Variants in ABCA8 observed in about 807,000 individuals in gnomAD.
The protein encoded by ABCA8 is ATP binding cassette subfamily A member 8, also known as ABC-type organic anion transporter ABCA8.
A neutral mutation model predicts 192.3 loss-of-function variants in ABCA8; 177 were observed. The ratio of observed to expected loss-of-function variants is 0.92; its 90% CI spans 0.81 to 1.04. ABCA8 has a LOEUF of 1.04. Ranked by LOEUF, ABCA8 falls within the 50% of genes least tolerant of loss-of-function variation. The pLI is 0.00. For synonymous variants in ABCA8, 642 were observed against 690.2 expected, an observed-to-expected ratio of 0.93 and a Z score of 1.09; for missense variants, 1,915 against 1,904.8, an observed-to-expected ratio of 1.01 and a Z score of -0.10.
intron 33 of ABCA8, 55 bp from the exon 34 acceptor site, chr17:68,876,758 G>A: frequency 6.2e-7 from 1 of 1,607,968 alleles, no homozygotes; most frequent in Non-Finnish European, 8.5e-7. Context: ...ATAGATAAGA[G>A]GATAACCCAA....
chr17:68,900,193 G>A (rs1411360632), intron 21 of ABCA8, among the ~76,000 whole-genome samples: 1 of 151,802 alleles, frequency 6.6e-6, no homozygotes, highest in African/African-American at 2.4e-5. Context: ...ACAAAATTGA[G>A]GAACCCTTAG....
At chr17:68,900,333 AAT>A (rs2066873771) in intron 21 of ABCA8, among the ~76,000 whole-genome samples, 1 of 152,080 alleles carries the variant, frequency 6.6e-6, no homozygotes, top group South Asian at 2.1e-4. Context: ...CAAATTAGAT[AAT>A]ATAGTATAAT....
chr17:68,947,037 A>T (rs1352583225), intron 2 of ABCA8, among the ~76,000 whole-genome samples: 2 of 152,220 alleles, frequency 1.3e-5, no homozygotes, highest in African/African-American at 4.8e-5. Context: ...TGTTAGATTT[A>T]TTCTACAGTT....
chr17:68,894,734 G>A lies in ABCA8; in HGVS notation c.2898+146C>T, dbSNP rs965507062. 1.1e-5 allele frequency: 10 copies of A among 878,996 alleles called. No homozygotes were observed. In the East Asian group the frequency reaches 2.1e-4, roughly 19 times the overall value. 54.4% of individuals were successfully genotyped at this position (878,996 alleles called of 1,614,324 possible). On this transcript the variant is annotated intron_variant, in intron 22 of 39. Coordinates refer to ENST00000586539, the MANE Select transcript of ABCA8 (RefSeq NM_001288985.2). ...GTAGACAATGATGGATATATGAATT[G>A]TTTATGCCAGTGAATACAATTCACT...
intron 18 of ABCA8, among the ~76,000 whole-genome samples, 177 bp from the exon 19 acceptor site, chr17:68,906,340 T>A (rs1473448997): frequency 6.6e-6 from 1 of 152,064 alleles, no homozygotes; most frequent in Non-Finnish European, 1.5e-5. Context: ...TATTATTTTC[T>A]ATTTTACATC....
chr17:68,935,540 C>CTA (rs6146128), intron 5 of ABCA8, among the ~76,000 whole-genome samples: 10,799 of 87,142 alleles, frequency 0.12, 704 homozygotes, highest in South Asian at 0.14. Flanking sequence ...AGTAGTATTC[C>CTA]TATATATATA....
Position 68,883,882 on chromosome 17 carries a change from G to A in ABCA8, c.3616C>T (p.Pro1206Ser). Residue 1206 changes from proline to serine, a missense_variant and splice_region_variant, in exon 29 of 40, where the codon CCT becomes TCT. By Grantham distance (74) the Pro-to-Ser change is moderately conservative. Transcript: ENST00000586539. ...DVQPFLVFLIPFLHFIIFLFT... is the reference protein window; with the variant it reads ...DVQPFLVFLISFLHFIIFLFT... ...AGAAAAATGATAAAATGAAGGAAAG[G>A]CTAGGAATAAAGAGAGATGCACAAT... 6.4e-7 allele frequency: 1 copy of A among 1,556,128 alleles called. No homozygotes were observed. The highest frequency in any genetic ancestry group is 8.8e-7 in the Non-Finnish European group (1 of 1,139,230).
rs1047763626 is a variant in ABCA8, at chr17:68,942,089, A to G, written c.-5-50T>C. 5 of 1,385,544 alleles carry G rather than the reference A, an allele frequency of 3.6e-6. No individual in the cohort carries two copies. In the Admixed American group the frequency reaches 7.7e-5, roughly 21 times the overall value. The allele number at this position is 1,385,544 out of a possible 1,614,324, so 85.8% of individuals were successfully genotyped here. A position where few individuals can be genotyped will look rare whatever the true frequency, so the allele number is the denominator to read the frequency against. On this transcript the variant is annotated intron_variant, in intron 2 of 39. Coordinates refer to ENST00000586539, the MANE Select transcript of ABCA8 (RefSeq NM_001288985.2). ...ATAAAATTAATATGAAGTTCTTAAGAAAAAGAAATATCCTGCAAACAACAA... is the reference window on the plus strand; with the variant it reads ...ATAAAATTAATATGAAGTTCTTAAGGAAAAGAAATATCCTGCAAACAACAA...
At chr17:68,877,889 A>G (rs991398759) in intron 32 of ABCA8, 11 of 446,758 alleles carry the variant, frequency 2.5e-5, no homozygotes, top group Non-Finnish European at 2.7e-5. Flanking sequence ...ATCCAATCTC[A>G]GCTGAAAAAT....
intron 4 of ABCA8, 43 bp from the exon 5 acceptor site, chr17:68,937,158 G>A: frequency 6.7e-7 from 1 of 1,491,058 alleles, no homozygotes; most frequent in Non-Finnish European, 9.0e-7. Flanking sequence ...AAATTACTAG[G>A]AGACACAACT....
At chr17:68,937,167 C>A in intron 4 of ABCA8, 52 bp from the exon 5 acceptor site, 10 of 1,429,248 alleles carry the variant, frequency 7.0e-6, no homozygotes, top group South Asian at 1.4e-5. Flanking sequence ...GGAGACACAA[C>A]TTCAGGATGT....
Position 68,887,260 on chromosome 17 carries a change from A to G in ABCA8, c.3315+76T>C. 3 of 1,403,514 alleles carry G rather than the reference A, an allele frequency of 2.1e-6. No individual in the cohort carries two copies. In the South Asian group the frequency reaches 4.3e-5, roughly 20 times the overall value. 86.9% of individuals were successfully genotyped at this position (1,403,514 alleles called of 1,614,324 possible). ...TTTATGACCATATAAATATTGATAG[A>G]AATGTTCCAAAATTTCAAATTAAAT... On this transcript the variant is annotated intron_variant, in intron 25 of 39. Coordinates refer to ENST00000586539, the MANE Select transcript of ABCA8 (RefSeq NM_001288985.2).
chr17:68,884,935 C>T (rs2066422146), intron 27 of ABCA8: 1 of 800,828 alleles, frequency 1.2e-6, no homozygotes, highest in African/African-American at 1.9e-5. Flanking sequence ...GGAAATAAGG[C>T]CCCACATGAG....
intron 32 of ABCA8, chr17:68,879,147 A>G (rs1388345838): frequency 2.6e-5 from 4 of 152,160 alleles, no homozygotes; most frequent in Non-Finnish European, 4.4e-5. Context: ...ATTAAAGTCA[A>G]TTTCACCCCC....
chr17:68,954,046 A>C (rs896503030), intron 1 of ABCA8, among the ~76,000 whole-genome samples: 1 of 146,942 alleles, frequency 6.8e-6, no homozygotes, highest in African/African-American at 2.5e-5. Context: ...TTTTCGTTTT[A>C]TTATTATACT....
intron 21 of ABCA8, among the ~76,000 whole-genome samples, chr17:68,898,344 T>C (rs2066819684): frequency 1.3e-5 from 2 of 152,140 alleles, no homozygotes; most frequent in East Asian, 3.8e-4. Flanking sequence ...TGTACTTTTA[T>C]CCTGTAAATC....
chr17:68,888,090 T>TAC (rs138718372), intron 24 of ABCA8, among the ~76,000 whole-genome samples: 1,605 of 145,108 alleles, frequency 0.011, 26 homozygotes, highest in African/African-American at 0.028. Flanking sequence ...TACACACACA[T>TAC]ACACACACAC....
intron 17 of ABCA8, among the ~76,000 whole-genome samples, chr17:68,912,652 G>A (rs1201085006): frequency 6.6e-6 from 1 of 152,010 alleles, no homozygotes; most frequent in Non-Finnish European, 1.5e-5. Flanking sequence ...GAAAAAGAAT[G>A]TCACTATATA....
intron 2 of ABCA8, among the ~76,000 whole-genome samples, chr17:68,944,348 A>C: frequency 1.0e-5 from 1 of 96,754 alleles, no homozygotes; most frequent in African/African-American, 3.6e-5. Context: ...ATATATATAT[A>C]TATATATATA....
Sources: allele counts gnomAD v4.1 joint callset (sites outside exome capture counted in the v4.1 genomes callset), GRCh38; gene constraint gnomAD v4.1.1; transcripts MANE v1.5; gene names NCBI Gene and HGNC (gene_info 2026-07-23, HGNC 2026-07-21).